The following ZNF544 variants were observed in gnomAD, a reference collection of about 807,000 sequenced individuals.
ZNF544 encodes zinc finger protein 544, also known as zinc finger protein AF020591.
Under a neutral mutation model 13.5 loss-of-function variants are expected in ZNF544, and 10 were observed. The observed-to-expected ratio is 0.74, with a 90% confidence interval of 0.46 to 1.25. The LOEUF (loss-of-function observed/expected upper bound fraction) is 1.25. Ranked by LOEUF, ZNF544 falls within the 50% of genes most tolerant of loss-of-function variation. The pLI is 0.00. For missense variants in ZNF544, 896 were observed against 845.6 expected, an observed-to-expected ratio of 1.06 and a Z score of -0.74; for synonymous variants, 323 against 300.5, an observed-to-expected ratio of 1.07 and a Z score of -0.77.
Position 58,239,934 on chromosome 19 carries a change from G to A in ZNF544, c.-59-4031G>A, listed in dbSNP as rs1432145329. On this transcript the variant is annotated intron_variant, in intron 3 of 6. Transcript: ENST00000687789. ...AAAAAATTACAGTGGTCAAAGGCAC[G>A]CATGTAAACGGGAGTCCGGGAGAGA... Among the ~76,000 whole-genome samples the A allele has an allele frequency of 4.6e-5, 7 of 151,682 alleles. No homozygotes were observed. The East Asian group carries it at 5.8e-4, about 13-fold the overall frequency.
At chr19:58,246,497 G>A (rs1236102953) in intron 5 of ZNF544, 70 bp downstream of exon 5, 4 of 1,589,308 alleles carry the variant, frequency 2.5e-6, no homozygotes, top group Non-Finnish European at 3.4e-6. Flanking sequence ...TCTGAAGGGT[G>A]TTCTGGGATG....
chr19:58,260,828 T>C (rs779801753), intron 6 of ZNF544, 23 bp from the exon 7 acceptor site: 18 of 1,551,400 alleles, frequency 1.2e-5, no homozygotes, highest in Non-Finnish European at 1.6e-5. Context: ...TCCAGTAACT[T>C]AGGCATTTTG....
rs1247637567 is a variant in ZNF544 at position 58,244,064 on chromosome 19, G to A, written c.33+8G>A. On this transcript the variant is annotated splice_region_variant and intron_variant, in intron 4 of 6. Coordinates refer to ENST00000687789, the MANE Select transcript of ZNF544 (RefSeq NM_014480.4). ...ATGCTGGTTCCACCCCAGGTGAGTG[G>A]GGGGTCTTTGCTCTCAGTGCCTTGG... is the stretch of plus-strand genomic sequence containing the variant. 6 of 1,606,196 alleles carry A rather than the reference G, an allele frequency of 3.7e-6. No individual in the cohort carries two copies. Among genetic ancestry groups the A allele is most frequent in the Admixed American group, 1.7e-5 (1 of 58,764 alleles).
At chr19:58,254,216 T>TC (rs1207272111) in intron 6 of ZNF544, among the ~76,000 whole-genome samples, 3 of 150,652 alleles carry the variant, frequency 2.0e-5, no homozygotes, top group Non-Finnish European at 4.4e-5. Flanking sequence ...AGAACGAGAC[T>TC]CCATCTCAAA....
Position 58,263,099 on chromosome 19 carries a change from A to T in ZNF544, c.*345A>T. 9.6e-7 allele frequency: 1 copy of T among 1,045,002 alleles called. No individual in the cohort carries two copies. The highest frequency in any genetic ancestry group is 1.2e-6 in the Non-Finnish European group (1 of 866,046). 64.7% of individuals were successfully genotyped at this position (1,045,002 alleles called of 1,614,324 possible). ...GCCCTGTGAATGTTAACAAATGTGG[A>T]AAAGCTTCCAGTTATGATACTTTCC... On this transcript the variant is annotated 3_prime_UTR_variant, in exon 7 of 7. Coordinates refer to ENST00000687789, the MANE Select transcript of ZNF544 (RefSeq NM_014480.4).
At chr19:58,266,212 C>CAAAAAAAAAAAA (rs760851818), downstream of ZNF544, among the ~76,000 whole-genome samples, 1 of 46,206 alleles carries the variant, frequency 2.2e-5, no homozygotes, top group Non-Finnish European at 3.7e-5. Context: ...GACTCTGTCT[C>CAAAAAAAAAAAA]AAAAAAAAAA....
At chr19:58,242,479 G>A (rs914087331) in intron 3 of ZNF544, among the ~76,000 whole-genome samples, 1 of 151,704 alleles carries the variant, frequency 6.6e-6, no homozygotes, top group Non-Finnish European at 1.5e-5. Flanking sequence ...TGCAGGGGCT[G>A]CCTTTATCTG....
At chr19:58,241,865 G>A (rs1435815475) in intron 3 of ZNF544, among the ~76,000 whole-genome samples, 1 of 152,098 alleles carries the variant, frequency 6.6e-6, no homozygotes, top group Non-Finnish European at 1.5e-5. Flanking sequence ...GTCGCATGCA[G>A]TTCTTGGCAT....
chr19:58,240,609 A>G (rs1388068448), intron 3 of ZNF544, among the ~76,000 whole-genome samples: 2 of 152,084 alleles, frequency 1.3e-5, no homozygotes, highest in African/African-American at 2.4e-5. Context: ...AAAAAATACA[A>G]AAATTAGCTG....
At chr19:58,232,377 G>T (rs2041442757) in intron 3 of ZNF544, among the ~76,000 whole-genome samples, 1 of 143,982 alleles carries the variant, frequency 6.9e-6, no homozygotes, top group Admixed American at 7.0e-5. Context: ...TTTGAGACAG[G>T]GTCTCACTCT....
intron 6 of ZNF544, among the ~76,000 whole-genome samples, chr19:58,255,554 C>T (rs982576640): frequency 6.6e-5 from 10 of 152,188 alleles, no homozygotes; most frequent in Admixed American, 6.5e-4. Flanking sequence ...ATGGGATCCC[C>T]TCAGTGAAGT....
intron 3 of ZNF544, among the ~76,000 whole-genome samples, chr19:58,236,421 C>G (rs2042387129): frequency 1.3e-5 from 2 of 150,706 alleles, no homozygotes; most frequent in South Asian, 2.1e-4. Context: ...CGCTTGAACC[C>G]TGGAGGCGGA....
chr19:58,241,499 C>CTTT (rs568335282), intron 3 of ZNF544, among the ~76,000 whole-genome samples: 1 of 138,970 alleles, frequency 7.2e-6, no homozygotes. Flanking sequence ...CATTCCATTT[C>CTTT]TTTTTTTTTT....
intron 6 of ZNF544, chr19:58,276,531 A>T: frequency 1.6e-6 from 1 of 637,738 alleles, no homozygotes. Context: ...GCAGTGGCGC[A>T]ATCTCAGCTA....
Position 58,273,921 on chromosome 19 carries a change from G to A in ZNF544, c.245-2402G>A, listed in dbSNP as rs550989527. ...AGTGATTCTCCTGCCTCAGCCTCCC[G>A]AGTAGCTGGGATTACAGGCGCATGC... On this transcript the variant is annotated intron_variant, in intron 5 of 6. Transcript: ENST00000595981. 1.4e-3 allele frequency among the ~76,000 whole-genome samples: 217 copies of A among 151,568 alleles called. 1 individual carries two copies. Among genetic ancestry groups the A allele is most frequent in the Non-Finnish European group, 8.8e-4 (60 of 67,884 alleles).
Position 58,261,994 on chromosome 19 carries a change from C to A in ZNF544, c.1388C>A (p.Pro463Gln), listed in dbSNP as rs754579503. Residue 463 changes from proline (P) to glutamine (Q), a missense_variant, in exon 7 of 7, where the codon CCG becomes CAG. Pro to Gln is a moderately conservative substitution (Grantham distance 76). Coordinates refer to ENST00000687789, the MANE Select transcript of ZNF544 (RefSeq NM_014480.4). ...CAGAGAATTCATACTGGAGAGAAAC[C>A]GTATGAGTGCACTCACTGTGGAAAG... is the stretch of plus-strand genomic sequence containing the variant. Reference protein sequence around the residue: ...VHQRIHTGEKPYECTHCGKSF... With the variant: ...VHQRIHTGEKQYECTHCGKSF... 1.9e-6 allele frequency: 3 copies of A among 1,613,330 alleles called. No individual in the cohort carries two copies. The African/African-American group carries it at 4.0e-5, about 22-fold the overall frequency.
chr19:58,239,342 C>A (rs1010321062), intron 3 of ZNF544, among the ~76,000 whole-genome samples: 2 of 151,842 alleles, frequency 1.3e-5, no homozygotes, highest in African/African-American at 4.8e-5. Flanking sequence ...ACCTCTTCCC[C>A]CCTCCACTCC....
At chr19:58,258,275 G>C (rs1425477035) in intron 6 of ZNF544, 6 of 152,370 alleles carry the variant, frequency 3.9e-5, no homozygotes, top group Non-Finnish European at 8.8e-5. Context: ...CCTTCATTGG[G>C]CTGTTGTTTC....
At chr19:58,258,138 C>A (rs1324024828) in intron 6 of ZNF544, 1 of 152,282 alleles carries the variant, frequency 6.6e-6, no homozygotes. Flanking sequence ...TTCCTCATTT[C>A]ATGCTCCTAA....
Sources: gnomAD v4.1 joint callset for allele counts (sites outside exome capture counted in the v4.1 genomes callset) on GRCh38, gnomAD v4.1.1 for gene constraint, MANE v1.5 for transcripts, NCBI Gene and HGNC (gene_info 2026-07-23, HGNC 2026-07-21) for gene names.